SPRED1: variants seen among roughly 807,000 people sequenced by gnomAD.
The protein encoded by SPRED1 is sprouty related EVH1 domain containing 1.
In SPRED1, 18 loss-of-function variants were observed where a neutral mutation model predicts 52.3. That is an observed-to-expected ratio of 0.34 (90% CI 0.24 to 0.51). The LOEUF (loss-of-function observed/expected upper bound fraction) is 0.51, where lower values mean the gene tolerates loss of function less well. Among genes scored for constraint, SPRED1 ranks in the 20% least tolerant of loss-of-function variants. The probability of loss-of-function intolerance (pLI) is 0.97; values close to 1 mark genes in which losing one functional copy is unlikely to be tolerated. For synonymous variants in SPRED1, 155 were observed against 179.7 expected (o/e 0.86, Z 1.10); for missense variants, 485 against 551.0 (o/e 0.88, Z 1.20).
intron 1 of SPRED1, chr15:38,283,478 G>A (rs1404724240): frequency 3.1e-6 from 3 of 981,428 alleles, no homozygotes; most frequent in Non-Finnish European, 3.6e-6. Flanking sequence ...TACAGATTTT[G>A]TGATTTGTTT....
At chr15:38,293,837 G>T (rs1217327942) in intron 1 of SPRED1, among the ~76,000 whole-genome samples, 1 of 152,028 alleles carries the variant, frequency 6.6e-6, no homozygotes, top group Non-Finnish European at 1.5e-5. Context: ...CTTGTGTCAT[G>T]CTCTCTCTAT....
intron 4 of SPRED1, among the ~76,000 whole-genome samples, chr15:38,334,735 CATAAG>C (rs1274808122): frequency 6.6e-6 from 1 of 151,862 alleles, no homozygotes; most frequent in Non-Finnish European, 1.5e-5. Flanking sequence ...CTGGTAGAGC[CATAAG>C]ATATTTTGAT....
chr15:38,335,465 TACTC>T (rs1224569469), intron 4 of SPRED1, among the ~76,000 whole-genome samples: 1 of 152,110 alleles, frequency 6.6e-6, no homozygotes, highest in African/African-American at 2.4e-5. Context: ...ATGTGAAAGA[TACTC>T]AGAAGATTAC....
chr15:38,324,952 A>C, intron 4 of SPRED1, 143 bp downstream of exon 4: 1 of 744,402 alleles, frequency 1.3e-6, no homozygotes, highest in Non-Finnish European at 2.3e-6. Flanking sequence ...GAACCAATAC[A>C]GGTTGAGCAT....
intron 1 of SPRED1, among the ~76,000 whole-genome samples, chr15:38,273,292 C>CA (rs1404698826): frequency 3.9e-5 from 6 of 152,030 alleles, no homozygotes; most frequent in African/African-American, 1.4e-4. Context: ...TTTGAAGAAA[C>CA]ATCTTTATGT....
chr15:38,310,037 C>G (rs190908708), intron 2 of SPRED1, among the ~76,000 whole-genome samples: 4 of 151,804 alleles, frequency 2.6e-5, no homozygotes, highest in African/African-American at 7.3e-5. Context: ...AATGATTCCT[C>G]CCATGTTACT....
intron 1 of SPRED1, chr15:38,298,452 C>A: frequency 3.7e-6 from 1 of 269,734 alleles, no homozygotes; most frequent in Admixed American, 5.5e-5. Context: ...ATCCAAATGC[C>A]TGTCCATGTA....
chr15:38,304,682 C>T (rs1164594466), intron 2 of SPRED1, among the ~76,000 whole-genome samples: 1 of 152,124 alleles, frequency 6.6e-6, no homozygotes, highest in Middle Eastern at 3.2e-3. Flanking sequence ...GCAGTCTCGA[C>T]CTTCTGGTCT....
chr15:38,263,841 T>C (rs1350601498), intron 1 of SPRED1, among the ~76,000 whole-genome samples: 3 of 152,156 alleles, frequency 2.0e-5, no homozygotes, highest in Admixed American at 1.3e-4. Context: ...AAAAATCTCA[T>C]AATGTTATAA....
chr15:38,325,346 G>A (rs1895693495), intron 4 of SPRED1, among the ~76,000 whole-genome samples: 2 of 152,116 alleles, frequency 1.3e-5, no homozygotes, highest in Non-Finnish European at 2.9e-5. Flanking sequence ...TCCTTAAGAT[G>A]TCTTATTATG....
At chr15:38,276,529 A>C (rs1023702407) in intron 1 of SPRED1, among the ~76,000 whole-genome samples, 1 of 152,168 alleles carries the variant, frequency 6.6e-6, no homozygotes, top group African/African-American at 2.4e-5. Context: ...TGTTGCGTTT[A>C]ATTCTCACAG....
chr15:38,351,891 C>T lies in SPRED1; in HGVS notation c.*227C>T. ...GTTGTAGAGTATTTGCAGAAGGAAA[C>T]CATTTCTGGTTATTTGGCTATAAAA... is the stretch of plus-strand genomic sequence containing the variant. On this transcript the variant is annotated 3_prime_UTR_variant, in exon 7 of 7. Transcript: ENST00000299084. 1.7e-6 allele frequency: 1 copy of T among 597,380 alleles called. No individual in the cohort carries two copies. The highest frequency in any genetic ancestry group is 2.9e-6 in the Non-Finnish European group (1 of 340,572). The allele number at this position is 597,380 out of a possible 1,614,324, so 37.0% of individuals were successfully genotyped here.
rs192699510 is a variant in SPRED1, at chr15:38,253,093, C to T, written c.-93C>T. 3.5e-3 allele frequency: 4,072 copies of T among 1,158,398 alleles called. 162 individuals are homozygous for T. The Admixed American group carries it at 0.074, about 21-fold the overall frequency. The allele number at this position is 1,158,398 out of a possible 1,614,324, so 71.8% of individuals were successfully genotyped here. ...CTGTGCCGCTGCCCCCGCGCCCCCC[C>T]GGCCGCCGCTGCCTCCTGCCCCTCG... On this transcript the variant is annotated 5_prime_UTR_variant, in exon 1 of 7. Transcript: ENST00000299084.
intron 2 of SPRED1, among the ~76,000 whole-genome samples, chr15:38,319,088 T>G: frequency 2.2e-5 from 1 of 46,148 alleles, no homozygotes; most frequent in African/African-American, 4.4e-5. Context: ...AAAATTAATT[T>G]GGTGTTATTA....
intron 2 of SPRED1, among the ~76,000 whole-genome samples, chr15:38,320,390 A>G (rs1895577597): frequency 1.3e-5 from 2 of 152,218 alleles, no homozygotes; most frequent in South Asian, 4.1e-4. Context: ...ACAGACAAAG[A>G]CCAGCTCATG....
rs528444053 is a variant in SPRED1 at position 38,308,989 on chromosome 15, A to G, written c.207+9442A>G. On this transcript the variant is annotated intron_variant, in intron 2 of 6. Transcript: ENST00000299084. ...TCTAAGCATCCTCACCAGCATTTCA[A>G]GTAGCCACTATTTTTTGTTTTACTC... 7.2e-5 allele frequency among the ~76,000 whole-genome samples: 11 copies of G among 152,316 alleles called. No individual in the cohort carries two copies. The South Asian group carries it at 8.3e-4, about 11-fold the overall frequency.
intron 2 of SPRED1, among the ~76,000 whole-genome samples, chr15:38,300,975 T>C (rs1029471544): frequency 6.6e-6 from 1 of 152,172 alleles, no homozygotes; most frequent in Non-Finnish European, 1.5e-5. Context: ...AAGGCATTTT[T>C]TTCTAGATAA....
chr15:38,326,672 C>T (rs1242769038), intron 4 of SPRED1, among the ~76,000 whole-genome samples: 1 of 152,082 alleles, frequency 6.6e-6, no homozygotes, highest in Non-Finnish European at 1.5e-5. Context: ...ATGGAGTGGA[C>T]CTCTACAAGA....
intron 2 of SPRED1, among the ~76,000 whole-genome samples, chr15:38,310,702 A>G (rs149810343): frequency 4.6e-5 from 7 of 152,224 alleles, no homozygotes; most frequent in Non-Finnish European, 1.0e-4. Flanking sequence ...TGTTTTGTTA[A>G]TTGTATACCT....
Sources: allele counts gnomAD v4.1 joint callset (sites outside exome capture counted in the v4.1 genomes callset), GRCh38; gene constraint gnomAD v4.1.1; transcripts MANE v1.5; gene names NCBI Gene and HGNC (gene_info 2026-07-23, HGNC 2026-07-21).